Variants in ASB5 observed in about 807,000 individuals in gnomAD.
ASB5 encodes the protein ankyrin repeat and SOCS box containing 5.
ASB5 carries 45 observed loss-of-function variants against 42.1 expected under a neutral mutation model. The observed-to-expected ratio is 1.07, with a 90% CI of 0.84 to 1.37. ASB5 has a LOEUF of 1.37. Among genes scored for constraint, ASB5 ranks in the 40% most tolerant of loss-of-function variants. The probability of loss-of-function intolerance (pLI) is 0.00; values close to 1 mark genes in which losing one functional copy is unlikely to be tolerated. For missense variants in ASB5, 402 were observed against 399.8 expected, an observed-to-expected ratio of 1.01 and a Z score of -0.05; for synonymous variants, 147 against 150.6, an observed-to-expected ratio of 0.98 and a Z score of 0.18.
At chr4:176,273,840 T>C (rs574278550), upstream of ASB5, among the ~76,000 whole-genome samples, 132 of 152,360 alleles carry the variant, frequency 8.7e-4, no homozygotes, top group African/African-American at 3.1e-3. Context: ...TTAAAACCAT[T>C]AAAATTCTTG....
chr4:176,256,099 T>C (rs1407028974), intron 1 of ASB5, among the ~76,000 whole-genome samples: 1 of 152,194 alleles, frequency 6.6e-6, no homozygotes, highest in Non-Finnish European at 1.5e-5. Flanking sequence ...AGTTTGCAGT[T>C]CACCATAAGA....
Position 176,215,419 on chromosome 4 carries a change from A to G in ASB5, c.*181T>C. 2.1e-6 allele frequency: 1 copy of G among 478,168 alleles called. No individual in the cohort carries two copies. The highest frequency in any genetic ancestry group is 3.5e-6 in the Non-Finnish European group (1 of 284,802). The allele number at this position is 478,168 out of a possible 1,614,324, so 29.6% of individuals were successfully genotyped here. A position where few individuals can be genotyped will look rare whatever the true frequency, so the allele number is the denominator to read the frequency against. On this transcript the variant is annotated 3_prime_UTR_variant, in exon 7 of 7. Coordinates refer to ENST00000296525, the MANE Select transcript of ASB5 (RefSeq NM_080874.4). ...TATAAATATGCTATAATCCAAAGAC[A>G]GCATAAATGATAAAACAATAGTACT...
chr4:176,220,687 C>T (rs956057082), intron 5 of ASB5, among the ~76,000 whole-genome samples: 11 of 152,076 alleles, frequency 7.2e-5, no homozygotes, highest in Non-Finnish European at 8.8e-5. Flanking sequence ...TTCAAGTAAG[C>T]AGGACAGAAA....
At chr4:176,250,839 T>C (rs1244460504) in intron 1 of ASB5, among the ~76,000 whole-genome samples, 2 of 152,224 alleles carry the variant, frequency 1.3e-5, no homozygotes, top group Non-Finnish European at 2.9e-5. Context: ...GTGTTTATAA[T>C]GGTACTTGTT....
chr4:176,247,166 T>A (rs1753929259), intron 1 of ASB5, among the ~76,000 whole-genome samples: 1 of 152,070 alleles, frequency 6.6e-6, no homozygotes, highest in African/African-American at 2.4e-5. Flanking sequence ...GAGACGATAA[T>A]AAAACATTAT....
intron 1 of ASB5, among the ~76,000 whole-genome samples, chr4:176,235,293 A>T (rs1753657322): frequency 6.6e-6 from 1 of 152,206 alleles, no homozygotes; most frequent in Admixed American, 6.6e-5. Context: ...TTGTACATTA[A>T]ATAAGTGAAA....
chr4:176,237,610 A>G, intron 1 of ASB5: 1 of 979,888 alleles, frequency 1.0e-6, no homozygotes. Context: ...CAGGGCTGGT[A>G]GGTGCAATGT....
chr4:176,270,840 C>A (rs1754456198), upstream of ASB5, among the ~76,000 whole-genome samples: 2 of 152,170 alleles, frequency 1.3e-5, no homozygotes, highest in Non-Finnish European at 2.9e-5. Context: ...TGCCCGTGGA[C>A]AGCTGGGCCA....
intron 1 of ASB5, among the ~76,000 whole-genome samples, chr4:176,254,329 T>A (rs1409458166): frequency 6.6e-6 from 1 of 152,102 alleles, no homozygotes; most frequent in African/African-American, 2.4e-5. Context: ...CCCCATTCAA[T>A]AAATGATTCT....
At chr4:176,215,958 G>T (rs2126935781) in intron 6 of ASB5, among the ~76,000 whole-genome samples, 1 of 151,974 alleles carries the variant, frequency 6.6e-6, no homozygotes, top group Middle Eastern at 3.4e-3. Flanking sequence ...TAATCCTCAG[G>T]CTTAGGAAAT....
At chr4:176,217,673 T>C (rs184333695) in intron 5 of ASB5, among the ~76,000 whole-genome samples, 265 of 152,228 alleles carry the variant, frequency 1.7e-3, no homozygotes, top group African/African-American at 6.2e-3. Context: ...ACATGCTACA[T>C]TACCTATTGC....
intron 1 of ASB5, among the ~76,000 whole-genome samples, chr4:176,276,643 A>G (rs1754568179): frequency 1.3e-5 from 2 of 152,190 alleles, no homozygotes; most frequent in African/African-American, 2.4e-5. Flanking sequence ...TGGGTTTTAG[A>G]AATAAAACAT....
intron 1 of ASB5, among the ~76,000 whole-genome samples, chr4:176,258,194 G>A (rs1019999506): frequency 6.6e-6 from 1 of 152,062 alleles, no homozygotes; most frequent in Non-Finnish European, 1.5e-5. Context: ...AGTGATTAAG[G>A]TAATAAATTA....
chr4:176,217,578 A>T (rs1753007814), intron 5 of ASB5, among the ~76,000 whole-genome samples: 1 of 152,130 alleles, frequency 6.6e-6, no homozygotes, highest in African/African-American at 2.4e-5. Flanking sequence ...ATATAAAGAT[A>T]TTGAGCCTTT....
intron 1 of ASB5, among the ~76,000 whole-genome samples, chr4:176,235,467 C>G (rs1178174169): frequency 6.6e-6 from 1 of 152,048 alleles, no homozygotes; most frequent in Admixed American, 6.6e-5. Flanking sequence ...TTTAAGATAT[C>G]TCATGGTCAT....
intron 1 of ASB5, among the ~76,000 whole-genome samples, chr4:176,236,783 C>G (rs1753695815): frequency 6.6e-6 from 1 of 152,106 alleles, no homozygotes; most frequent in African/African-American, 2.4e-5. Context: ...TATGGATATT[C>G]CTTTTTAAAA....
chr4:176,245,103 T>C (rs1753884421), intron 1 of ASB5, among the ~76,000 whole-genome samples: 1 of 152,188 alleles, frequency 6.6e-6, no homozygotes, highest in Non-Finnish European at 1.5e-5. Context: ...TGAGATACGT[T>C]ATGAAGCTAT....
At chr4:176,220,067 A>G (rs1753159926) in intron 5 of ASB5, among the ~76,000 whole-genome samples, 1 of 152,182 alleles carries the variant, frequency 6.6e-6, no homozygotes, top group South Asian at 2.1e-4. Flanking sequence ...ATGTTTTAAG[A>G]AAGTTTATGA....
Position 176,224,060 on chromosome 4 carries a change from C to T in ASB5, c.276+1202G>A, listed in dbSNP as rs189915012. Among the ~76,000 whole-genome samples, 8 of 152,156 alleles carry T rather than the reference C, an allele frequency of 5.3e-5. No homozygotes were observed. The East Asian group carries it at 1.5e-3, about 29-fold the overall frequency. On this transcript the variant is annotated intron_variant, in intron 2 of 6. Transcript: ENST00000296525. ...AAGGAGGCTCAGGTAGGTTGTGATTCACCTCAAGTGCCAGCCTAGGATCCA... is the reference window on the plus strand; with the variant it reads ...AAGGAGGCTCAGGTAGGTTGTGATTTACCTCAAGTGCCAGCCTAGGATCCA...
Sources: allele counts gnomAD v4.1 joint callset (sites outside exome capture counted in the v4.1 genomes callset), GRCh38; gene constraint gnomAD v4.1.1; transcripts MANE v1.5; gene names NCBI Gene and HGNC (gene_info 2026-07-23, HGNC 2026-07-21).